GALNTL6: variants seen among roughly 807,000 people sequenced by gnomAD.
GALNTL6 encodes the protein polypeptide N-acetylgalactosaminyltransferase like 6, also known as polypeptide N-acetylgalactosaminyltransferase-like 6.
A neutral mutation model predicts 73.7 loss-of-function variants in GALNTL6; 46 were observed. The ratio of observed to expected loss-of-function variants is 0.62; its 90% CI spans 0.49 to 0.80. The LOEUF (loss-of-function observed/expected upper bound fraction) is 0.80. GALNTL6 is among the 30% of genes least tolerant of loss of function. GALNTL6 has a pLI of 0.00. For missense variants in GALNTL6, 604 were observed against 755.0 expected (o/e 0.80, Z 2.34); for synonymous variants, 259 against 263.7 (o/e 0.98, Z 0.17).
At chr4:172,287,049 A>G (rs13118987) in intron 3 of GALNTL6, among the ~76,000 whole-genome samples, 56,914 of 152,100 alleles carry the variant, frequency 0.37, 12,013 homozygotes, top group South Asian at 0.6. Flanking sequence ...CGTTGAGGGT[A>G]TCTCTTCCCA....
chr4:172,856,592 CCTT>C (rs1454486435), intron 7 of GALNTL6, among the ~76,000 whole-genome samples: 1 of 152,192 alleles, frequency 6.6e-6, no homozygotes, highest in East Asian at 1.9e-4. Context: ...AAAACAATCT[CCTT>C]CTTTTTGTGG....
intron 5 of GALNTL6, among the ~76,000 whole-genome samples, chr4:172,701,177 T>A (rs1235742179): frequency 6.6e-6 from 1 of 152,082 alleles, no homozygotes; most frequent in Non-Finnish European, 1.5e-5. Context: ...ATAAATTGAT[T>A]TTTCAGTAGT....
rs1749489730 is a variant in GALNTL6, at chr4:172,952,275, T to G, written c.1371+17T>G. On this transcript the variant is annotated intron_variant, in intron 10 of 12. Transcript: ENST00000506823. Reference sequence around the variant, plus strand: ...TGGGGGGAGGTGAGGAAAGGTTGCCTGAAACCTGCGCCTACCTATGAGACT... The same window carrying G: ...TGGGGGGAGGTGAGGAAAGGTTGCCGGAAACCTGCGCCTACCTATGAGACT... 6.3e-7 allele frequency: 1 copy of G among 1,589,270 alleles called. No homozygotes were observed. Among genetic ancestry groups the G allele is most frequent in the East Asian group, 2.2e-5 (1 of 44,692 alleles).
intron 2 of GALNTL6, among the ~76,000 whole-genome samples, chr4:171,853,012 ATTTTTTTT>A (rs765984611): frequency 1.0e-4 from 9 of 86,870 alleles, no homozygotes; most frequent in African/African-American, 2.8e-4. Flanking sequence ...CGCCCGGCTA[ATTTTTTTT>A]TTTTTTTTTT....
intron 3 of GALNTL6, among the ~76,000 whole-genome samples, chr4:172,231,966 AC>A (rs1737085876): frequency 6.6e-6 from 1 of 152,148 alleles, no homozygotes; most frequent in Admixed American, 6.5e-5. Flanking sequence ...GTTTTTAAGT[AC>A]AAATTCTTTG....
chr4:172,018,301 C>T (rs1280601154), intron 2 of GALNTL6, among the ~76,000 whole-genome samples: 1 of 151,996 alleles, frequency 6.6e-6, no homozygotes, highest in African/African-American at 2.4e-5. Flanking sequence ...TTGTGTTTGG[C>T]AACCAGAGTG....
intron 8 of GALNTL6, among the ~76,000 whole-genome samples, chr4:172,906,647 C>T (rs1335342021): frequency 1.3e-5 from 2 of 152,208 alleles, no homozygotes; most frequent in Non-Finnish European, 2.9e-5. Context: ...TCCATTTCTT[C>T]ATGGTTGTGG....
At chr4:172,908,846 C>A (rs1207990507) in intron 8 of GALNTL6, among the ~76,000 whole-genome samples, 2 of 151,580 alleles carry the variant, frequency 1.3e-5, no homozygotes, top group Non-Finnish European at 2.9e-5. Context: ...AGAAGATTCT[C>A]CCTATGTATA....
intron 4 of GALNTL6, among the ~76,000 whole-genome samples, chr4:172,330,165 T>G (rs2111179772): frequency 6.6e-6 from 1 of 152,306 alleles, no homozygotes; most frequent in Non-Finnish European, 1.5e-5. Context: ...AACTCCTGTT[T>G]TGCTGGAGTT....
chr4:172,619,437 T>A (rs1024349847), intron 5 of GALNTL6, among the ~76,000 whole-genome samples: 2 of 152,096 alleles, frequency 1.3e-5, no homozygotes, highest in Non-Finnish European at 2.9e-5. Context: ...AAACGAGAGG[T>A]TTTTCCCCAA....
intron 5 of GALNTL6, among the ~76,000 whole-genome samples, chr4:172,732,048 G>A (rs1736179717): frequency 3.3e-5 from 5 of 151,978 alleles, no homozygotes; most frequent in African/African-American, 1.2e-4. Flanking sequence ...ATATCAATTA[G>A]TCCTATTAGA....
At chr4:172,009,537 T>C (rs950984064) in intron 2 of GALNTL6, among the ~76,000 whole-genome samples, 2 of 152,102 alleles carry the variant, frequency 1.3e-5, no homozygotes, top group Non-Finnish European at 2.9e-5. Context: ...ATGCTTCTCA[T>C]TTACTTAACA....
At chr4:172,611,924 T>A (rs550104932) in intron 5 of GALNTL6, among the ~76,000 whole-genome samples, 2 of 152,246 alleles carry the variant, frequency 1.3e-5, no homozygotes, top group East Asian at 3.9e-4. Context: ...AAAGTGCATG[T>A]ATTTAGGTCC....
chr4:172,552,947 T>C (rs968816455), intron 5 of GALNTL6, among the ~76,000 whole-genome samples: 8 of 151,808 alleles, frequency 5.3e-5, no homozygotes, highest in African/African-American at 9.7e-5. Flanking sequence ...TTGTCTTAGG[T>C]ATGGTTAGAT....
chr4:172,406,171 CTG>C (rs1744231808), intron 5 of GALNTL6, among the ~76,000 whole-genome samples: 2 of 151,784 alleles, frequency 1.3e-5, no homozygotes, highest in Non-Finnish European at 2.9e-5. Context: ...TTATCTGTCT[CTG>C]TTTATTTACT....
At chr4:172,940,861 C>T (rs1025088360) in intron 9 of GALNTL6, among the ~76,000 whole-genome samples, 4 of 151,918 alleles carry the variant, frequency 2.6e-5, no homozygotes, top group African/African-American at 4.8e-5. Context: ...TTGGTAGAGA[C>T]GGGGTCTCAC....
At chr4:172,144,182 G>A (rs529535484) in intron 2 of GALNTL6, among the ~76,000 whole-genome samples, 14 of 152,276 alleles carry the variant, frequency 9.2e-5, no homozygotes, top group Admixed American at 2.0e-4. Flanking sequence ...TAGGAGAAGC[G>A]TGTTGTTGTT....
At chr4:172,653,043 A>C (rs1401692723) in intron 5 of GALNTL6, among the ~76,000 whole-genome samples, 1 of 151,928 alleles carries the variant, frequency 6.6e-6, no homozygotes, top group Non-Finnish European at 1.5e-5. Flanking sequence ...TTCTGAAACT[A>C]CCTGCTCATC....
chr4:171,845,160 T>C (rs1735337529), intron 2 of GALNTL6, among the ~76,000 whole-genome samples: 1 of 152,188 alleles, frequency 6.6e-6, no homozygotes, highest in African/African-American at 2.4e-5. Flanking sequence ...TGCAATTCTG[T>C]TCAAAGCTGA....
Sources: allele counts gnomAD v4.1 joint callset (sites outside exome capture counted in the v4.1 genomes callset), GRCh38; gene constraint gnomAD v4.1.1; transcripts MANE v1.5; gene names NCBI Gene and HGNC (gene_info 2026-07-23, HGNC 2026-07-21).